L3MBTL4: variants seen among roughly 807,000 people sequenced by gnomAD.
The protein encoded by L3MBTL4 is lethal(3)malignant brain tumor-like protein 4.
Under a neutral mutation model 84.5 loss-of-function variants are expected in L3MBTL4, and 70 were observed. That is an observed-to-expected ratio of 0.83 (90% CI 0.68 to 1.01). The LOEUF (loss-of-function observed/expected upper bound fraction) is 1.01. L3MBTL4 is among the 50% of genes least tolerant of loss of function. L3MBTL4 has a pLI of 0.00. For missense variants in L3MBTL4, 715 were observed against 754.8 expected (o/e 0.95, Z 0.62); for synonymous variants, 274 against 259.8 (o/e 1.05, Z -0.52).
chr18:6,413,745 G>T (rs530650786), intron 1 of L3MBTL4, among the ~76,000 whole-genome samples: 1 of 152,344 alleles, frequency 6.6e-6, no homozygotes, highest in East Asian at 1.9e-4. Context: ...TTCAGCATGG[G>T]AATGGCCGAG....
intron 5 of L3MBTL4, among the ~76,000 whole-genome samples, chr18:6,248,975 G>A (rs971520678): frequency 6.6e-6 from 1 of 152,116 alleles, no homozygotes; most frequent in African/African-American, 2.4e-5. Flanking sequence ...CTTAAAAGAT[G>A]ACAAACCCCA....
intron 12 of L3MBTL4, among the ~76,000 whole-genome samples, chr18:6,196,371 A>C (rs781401511): frequency 2.0e-5 from 3 of 151,958 alleles, no homozygotes; most frequent in Non-Finnish European, 4.4e-5. Context: ...GTTGGCCAGG[A>C]TGGTCTTGAT....
intron 16 of L3MBTL4, among the ~76,000 whole-genome samples, chr18:6,059,248 C>G (rs1265369136): frequency 6.6e-6 from 1 of 152,240 alleles, no homozygotes; most frequent in Non-Finnish European, 1.5e-5. Flanking sequence ...TCTGGCGTGG[C>G]TGCCCACATG....
rs568540525 is a variant in L3MBTL4, at chr18:6,119,670, T to C, written c.1199+18524A>G. 4.6e-5 allele frequency among the ~76,000 whole-genome samples: 7 copies of C among 152,286 alleles called. 1 individual carries two copies. The South Asian group carries it at 1.5e-3, about 32-fold the overall frequency. On this transcript the variant is annotated intron_variant, in intron 14 of 18. Coordinates refer to ENST00000317931, the MANE Select transcript of L3MBTL4 (RefSeq NM_001330559.2). Reference sequence around the variant, plus strand: ...GCCAGGCCTAAGGAATATTATTTGATAGAAGACCATGGCTCTCTCATGTAT... The same window carrying C: ...GCCAGGCCTAAGGAATATTATTTGACAGAAGACCATGGCTCTCTCATGTAT...
At chr18:6,360,833 GAAATTT>G (rs79617822) in intron 1 of L3MBTL4, among the ~76,000 whole-genome samples, 86 of 151,020 alleles carry the variant, frequency 5.7e-4, no homozygotes, top group Non-Finnish European at 1.1e-3. Context: ...CTACAAAAAA[GAAATTT>G]AAATTTAAAT....
chr18:6,284,365 T>G (rs1392382184), intron 4 of L3MBTL4, among the ~76,000 whole-genome samples: 1 of 152,178 alleles, frequency 6.6e-6, no homozygotes, highest in Non-Finnish European at 1.5e-5. Context: ...AGCCCACATG[T>G]CAGACCCACC....
chr18:6,277,865 T>C (rs138912187), intron 4 of L3MBTL4, among the ~76,000 whole-genome samples: 2 of 152,272 alleles, frequency 1.3e-5, no homozygotes, highest in African/African-American at 4.8e-5. Flanking sequence ...CATTCTTGTA[T>C]TAATTCCAAT....
chr18:6,107,723 G>A (rs1046920947), intron 14 of L3MBTL4, among the ~76,000 whole-genome samples: 9 of 152,132 alleles, frequency 5.9e-5, no homozygotes, highest in Non-Finnish European at 8.8e-5. Context: ...CATTCTGCAG[G>A]TGAGCAGAGG....
Position 6,204,419 on chromosome 18 carries a change from G to A in L3MBTL4, c.981+8730C>T, listed in dbSNP as rs763556299. On this transcript the variant is annotated intron_variant, in intron 12 of 18. Coordinates refer to ENST00000317931, the MANE Select transcript of L3MBTL4 (RefSeq NM_001330559.2). Reference sequence around the variant, plus strand: ...CTGAGCCCTGATGGCTCCAGCAGCCGTGTAACTCCCCATGATTCCTCTGGT... The same window carrying A: ...CTGAGCCCTGATGGCTCCAGCAGCCATGTAACTCCCCATGATTCCTCTGGT... Among the ~76,000 whole-genome samples the A allele has an allele frequency of 3.3e-5, 5 of 152,286 alleles. 1 individual carries two copies. In the Middle Eastern group the frequency reaches 0.01, roughly 311 times the overall value.
chr18:6,161,139 T>A (rs985726406), intron 13 of L3MBTL4, among the ~76,000 whole-genome samples: 1 of 152,196 alleles, frequency 6.6e-6, no homozygotes, highest in Admixed American at 6.5e-5. Context: ...GACATCAGTA[T>A]TTAGTTTCAA....
At chr18:6,004,630 C>G (rs1189063170) in intron 16 of L3MBTL4, among the ~76,000 whole-genome samples, 2 of 152,092 alleles carry the variant, frequency 1.3e-5, no homozygotes, top group Non-Finnish European at 2.9e-5. Context: ...GATAGATGAA[C>G]AGATAAATTA....
intron 16 of L3MBTL4, among the ~76,000 whole-genome samples, chr18:6,034,946 C>T (rs1163117881): frequency 6.6e-6 from 1 of 151,072 alleles, no homozygotes; most frequent in Non-Finnish European, 1.5e-5. Context: ...TAAATGTCTT[C>T]TTTTGAGAAG....
intron 1 of L3MBTL4, among the ~76,000 whole-genome samples, chr18:6,372,947 A>G (rs1343438379): frequency 6.6e-6 from 1 of 152,248 alleles, no homozygotes; most frequent in Admixed American, 6.5e-5. Context: ...GATGACAATC[A>G]ATGGTTGTTA....
At chr18:5,962,548 C>A (rs770878533) in intron 17 of L3MBTL4, among the ~76,000 whole-genome samples, 1 of 152,106 alleles carries the variant, frequency 6.6e-6, no homozygotes. Context: ...CCTGGTGGGA[C>A]GCTGGAATCC....
At position 5,956,199 on chromosome 18, in the gene L3MBTL4, G is replaced by A. The variant is rs1451043682; in HGVS notation, c.*21C>T. 3 of 1,603,674 alleles carry A rather than the reference G, an allele frequency of 1.9e-6. No homozygotes were observed. The highest frequency in any genetic ancestry group is 2.6e-6 in the Non-Finnish European group (3 of 1,173,766). On this transcript the variant is annotated 3_prime_UTR_variant, in exon 19 of 19. Transcript: ENST00000317931. ...TGAAAGAGCGCAGGTCTTGGTGCCA[G>A]AGGAAGTTCAGGGAGCCCATTCATC...
In L3MBTL4 at chr18:6,261,924, C is replaced by G. The variant is rs140690574; in HGVS notation, c.219+2023G>C. Among the ~76,000 whole-genome samples, 441 of 152,338 alleles carry G rather than the reference C, an allele frequency of 2.9e-3. 2 individuals are homozygous for G. The highest frequency in any genetic ancestry group is 0.01 in the African/African-American group (420 of 41,574). ...TCCTTGCTCTGAAAATTAGTCCACA[C>G]TTCACCCTTAACACCCAAACATCTG... On this transcript the variant is annotated intron_variant, in intron 5 of 18. Coordinates refer to ENST00000317931, the MANE Select transcript of L3MBTL4 (RefSeq NM_001330559.2).
chr18:6,322,470 G>GAAGGAAGGAAGGAAGA (rs2051464788), intron 1 of L3MBTL4, among the ~76,000 whole-genome samples: 1 of 142,786 alleles, frequency 7.0e-6, no homozygotes, highest in African/African-American at 2.7e-5. Context: ...AGGAAGGAAG[G>GAAGGAAGGAAGGAAGA]AAGGAAGGAA....
At chr18:6,213,128 A>G (rs757073326) in intron 12 of L3MBTL4, 21 bp downstream of exon 12, 3 of 1,337,874 alleles carry the variant, frequency 2.2e-6, no homozygotes, top group Non-Finnish European at 3.1e-6. Context: ...ATATAATAAC[A>G]TAATAATTTA....
At chr18:6,294,131 G>A (rs1028824814) in intron 4 of L3MBTL4, among the ~76,000 whole-genome samples, 1 of 151,978 alleles carries the variant, frequency 6.6e-6, no homozygotes, top group Non-Finnish European at 1.5e-5. Context: ...GGGGTGATGA[G>A]GTATCGGATT....
Sources: gnomAD v4.1 joint callset for allele counts (sites outside exome capture counted in the v4.1 genomes callset) on GRCh38, gnomAD v4.1.1 for gene constraint, MANE v1.5 for transcripts, NCBI Gene and HGNC (gene_info 2026-07-23, HGNC 2026-07-21) for gene names.